Variants in GSAP observed in about 807,000 individuals in gnomAD.
GSAP encodes the protein gamma-secretase activating protein, also known as gamma-secretase-activating protein.
GSAP carries 118 observed loss-of-function variants against 131.7 expected under a neutral mutation model. That is an observed-to-expected ratio of 0.90 (90% CI 0.77 to 1.04). GSAP has a LOEUF of 1.04. Ranked by LOEUF, GSAP falls within the 50% of genes least tolerant of loss-of-function variation. GSAP has a pLI of 0.00. For missense variants in GSAP, 1,019 were observed against 1,013.2 expected (o/e 1.01, Z -0.08); for synonymous variants, 381 against 363.4 (o/e 1.05, Z -0.55).
chr7:77,386,085 C>T (rs1281407460), intron 6 of GSAP, among the ~76,000 whole-genome samples: 3 of 152,034 alleles, frequency 2.0e-5, no homozygotes, highest in Non-Finnish European at 4.4e-5. Flanking sequence ...TGATCATAAT[C>T]CTGAAAGACA....
At chr7:77,348,396 T>G (rs1792229332) in intron 19 of GSAP, among the ~76,000 whole-genome samples, 1 of 152,180 alleles carries the variant, frequency 6.6e-6, no homozygotes, top group Non-Finnish European at 1.5e-5. Context: ...GGGATTCTTC[T>G]TAGGACCAAA....
At chr7:77,370,371 G>T (rs935166982) in intron 12 of GSAP, among the ~76,000 whole-genome samples, 1 of 152,196 alleles carries the variant, frequency 6.6e-6, no homozygotes, top group Non-Finnish European at 1.5e-5. Context: ...TGAGGCAAGA[G>T]AATCTCTTGA....
chr7:77,326,273 C>A lies in GSAP; in HGVS notation c.1766G>T (p.Gly589Val), dbSNP rs1464410205. 6.2e-7 allele frequency: 1 copy of A among 1,610,716 alleles called. No homozygotes were observed. The highest frequency in any genetic ancestry group is 1.7e-5 in the Admixed American group (1 of 59,736). ...CTGCAGGAGGGGTGTTAATCTTGGCCCTGAAATGAAACAGAGCAATAGTTA... is the reference window on the plus strand; with the variant it reads ...CTGCAGGAGGGGTGTTAATCTTGGCACTGAAATGAAACAGAGCAATAGTTA... ...VISNLEARNL[G>V]PRLTPLLQEE... Residue 589 changes from glycine (G) to valine (V), a missense_variant and splice_region_variant, in exon 23 of 31, where the codon GGG becomes GTG. Gly to Val is a moderately radical substitution (Grantham distance 109, BLOSUM62 -3). Transcript: ENST00000257626.
chr7:77,413,364 G>A (rs148521119), intron 1 of GSAP, among the ~76,000 whole-genome samples: 76 of 152,322 alleles, frequency 5.0e-4, no homozygotes, highest in African/African-American at 1.7e-3. Context: ...GTTGGGTAGG[G>A]CAGCCCTCTT....
At chr7:77,390,270 CAG>C (rs1353262403) in intron 5 of GSAP, among the ~76,000 whole-genome samples, 6 of 152,040 alleles carry the variant, frequency 3.9e-5, no homozygotes, top group Non-Finnish European at 7.4e-5. Flanking sequence ...TTTTGCTGTG[CAG>C]AAGCTCTTTA....
At chr7:77,391,313 C>T (rs1286325563) in intron 5 of GSAP, among the ~76,000 whole-genome samples, 13 of 151,948 alleles carry the variant, frequency 8.6e-5, no homozygotes, top group Admixed American at 8.5e-4. Flanking sequence ...TCAAGTACAA[C>T]CCAGACATTT....
Position 77,374,072 on chromosome 7 carries a change from G to A in GSAP, c.869C>T (p.Thr290Ile). Residue 290 changes from threonine (T) to isoleucine (I), a missense_variant and splice_region_variant, in exon 12 of 31, where the codon ACA becomes ATA. Physicochemically the swap from Thr to Ile is moderately conservative, Grantham distance 89. Transcript: ENST00000257626. ...TGATAAATACAACCCTAGTTTACCT[G>A]TATGGTTGGTAAAAACACACAGAGT... ...HLTLCVFTNH[T>I]GSLCVCYSPK... 1.3e-6 allele frequency: 2 copies of A among 1,514,510 alleles called. No homozygotes were observed. Among genetic ancestry groups the A allele is most frequent in the East Asian group, 2.3e-5 (1 of 43,992 alleles). 93.8% of individuals were successfully genotyped at this position (1,514,510 alleles called of 1,614,324 possible). A position where few individuals can be genotyped will look rare whatever the true frequency, so the allele number is the denominator to read the frequency against.
chr7:77,329,228 G>A, intron 21 of GSAP, 105 bp downstream of exon 21: 1 of 583,890 alleles, frequency 1.7e-6, no homozygotes, highest in Admixed American at 3.4e-5. Context: ...TTTTGCTGGG[G>A]ATATGCAACA....
chr7:77,381,455 G>A, intron 7 of GSAP, 101 bp from the exon 8 acceptor site: 1 of 547,556 alleles, frequency 1.8e-6, no homozygotes, highest in Non-Finnish European at 3.2e-6. Flanking sequence ...AAGCAATGCA[G>A]ATTGAACAAC....
chr7:77,376,226 G>A (rs1343658346), intron 10 of GSAP, among the ~76,000 whole-genome samples: 1 of 152,154 alleles, frequency 6.6e-6, no homozygotes, highest in African/African-American at 2.4e-5. Context: ...ACTTTTAAAT[G>A]ATTAGAAACT....
intron 5 of GSAP, among the ~76,000 whole-genome samples, 170 bp from the exon 6 acceptor site, chr7:77,387,618 CTGTT>C (rs1249706484): frequency 2.0e-5 from 3 of 152,172 alleles, no homozygotes; most frequent in African/African-American, 7.2e-5. Context: ...AACTGTAAAT[CTGTT>C]CCCAGTTCTA....
chr7:77,383,860 T>A lies in GSAP; in HGVS notation c.457-1217A>T, dbSNP rs147024410. Among the ~76,000 whole-genome samples, 81 of 152,334 alleles carry A rather than the reference T, an allele frequency of 5.3e-4. No individual in the cohort carries two copies. In the East Asian group the frequency reaches 0.015, roughly 28 times the overall value. Reference sequence around the variant, plus strand: ...ATTAGTCTCACTAAACTTAGGACAATTTTTTATTATTTCCTAGTGTCCTAC... The same window carrying A: ...ATTAGTCTCACTAAACTTAGGACAAATTTTTATTATTTCCTAGTGTCCTAC... On this transcript the variant is annotated intron_variant, in intron 6 of 30. Transcript: ENST00000257626.
chr7:77,347,373 C>G (rs181333771), intron 19 of GSAP, among the ~76,000 whole-genome samples: 2 of 152,170 alleles, frequency 1.3e-5, no homozygotes, highest in Admixed American at 1.3e-4. Context: ...ACTATGTCCC[C>G]CAACCTGTGG....
intron 18 of GSAP, chr7:77,351,304 T>C: frequency 1.1e-6 from 1 of 942,962 alleles, no homozygotes; most frequent in Non-Finnish European, 1.3e-6. Context: ...CAAAACATAA[T>C]TCAGGATTAT....
Position 77,320,724 on chromosome 7 carries a change from C to T in GSAP, c.2089+1G>A. ...CAAAGGACAAAAGAGCCAACACTTA[C>T]CAGGAGGCAGAGGTAAAAACAAACT... On this transcript the variant is annotated splice_donor_variant, in intron 26 of 30. Coordinates refer to ENST00000257626, the MANE Select transcript of GSAP (RefSeq NM_017439.4). LOFTEE classifies it high-confidence loss of function. 1 of 1,561,388 alleles carries T rather than the reference C, an allele frequency of 6.4e-7. No homozygotes were observed. Among genetic ancestry groups the T allele is most frequent in the Non-Finnish European group, 8.8e-7 (1 of 1,132,090 alleles).
intron 3 of GSAP, among the ~76,000 whole-genome samples, 153 bp from the exon 4 acceptor site, chr7:77,397,568 A>G (rs1003392834): frequency 6.6e-6 from 1 of 152,198 alleles, no homozygotes; most frequent in Non-Finnish European, 1.5e-5. Flanking sequence ...GACACATTCC[A>G]GAGTACTCTT....
chr7:77,379,881 T>G (rs1163115409), intron 8 of GSAP: 1 of 984,236 alleles, frequency 1.0e-6, no homozygotes, highest in Non-Finnish European at 1.2e-6. Flanking sequence ...GGCTTCTTGA[T>G]TTGAGGCTTT....
At chr7:77,350,821 A>G (rs1792753517) in intron 18 of GSAP, among the ~76,000 whole-genome samples, 1 of 152,242 alleles carries the variant, frequency 6.6e-6, no homozygotes, top group African/African-American at 2.4e-5. Flanking sequence ...AGAAGGGCAA[A>G]TGATAGCATT....
At chr7:77,372,683 A>G (rs1489410309) in intron 12 of GSAP, among the ~76,000 whole-genome samples, 5 of 152,264 alleles carry the variant, frequency 3.3e-5, no homozygotes, top group Admixed American at 2.6e-4. Context: ...ACGGATGTTC[A>G]TTACATTTTT....
Sources: allele counts gnomAD v4.1 joint callset (sites outside exome capture counted in the v4.1 genomes callset), GRCh38; gene constraint gnomAD v4.1.1; transcripts MANE v1.5; gene names NCBI Gene and HGNC (gene_info 2026-07-23, HGNC 2026-07-21).